Variants in FTCDNL1 observed in about 807,000 individuals in gnomAD.
FTCDNL1 encodes the protein formiminotransferase N-terminal subdomain-containing protein.
In FTCDNL1, 11 loss-of-function variants were observed where a neutral mutation model predicts 5.9. The observed-to-expected ratio is 1.87, with a 90% CI of 1.18 to 3.10. The LOEUF is 3.10. FTCDNL1 is among the 30% of genes most tolerant of loss of function. The probability of loss-of-function intolerance (pLI) is 0.00; values close to 1 mark genes in which losing one functional copy is unlikely to be tolerated. For synonymous variants in FTCDNL1, 58 were observed against 24.8 expected (o/e 2.34, Z -3.99); for missense variants, 115 against 65.5 (o/e 1.76, Z -2.61).
chr2:199,746,199 T>G, the FTCDNL1 span, among the ~76,000 whole-genome samples: 1 of 152,220 alleles, frequency 6.6e-6, no homozygotes, highest in African/African-American at 2.4e-5. Flanking sequence ...TCCCTTTGCA[T>G]CTTGCATTCT....
the FTCDNL1 span, among the ~76,000 whole-genome samples, chr2:199,712,747 C>T: frequency 1.3e-5 from 2 of 152,192 alleles, no homozygotes; most frequent in Admixed American, 1.3e-4. Context: ...CATTTCTTGG[C>T]TTGCAGCTGT....
chr2:199,760,560 C>T, exon 4 of FTCDNL1: 1 of 465,710 alleles, frequency 2.1e-6, no homozygotes, highest in Non-Finnish European at 3.9e-6. Context: ...CAGAGTTAAA[C>T]ACTTTTTATT....
At chr2:199,733,651 C>T in the FTCDNL1 span, among the ~76,000 whole-genome samples, 1 of 152,052 alleles carries the variant, frequency 6.6e-6, no homozygotes, top group East Asian at 1.9e-4. Context: ...GAAAGAATGC[C>T]CTTAGGACAG....
At chr2:199,691,003 A>T in the FTCDNL1 span, among the ~76,000 whole-genome samples, 25 of 152,224 alleles carry the variant, frequency 1.6e-4, no homozygotes, top group Non-Finnish European at 3.5e-4. Flanking sequence ...AATGACCCAC[A>T]TATACAAACA....
chr2:199,665,419 G>A, the FTCDNL1 span, among the ~76,000 whole-genome samples: 2 of 152,086 alleles, frequency 1.3e-5, no homozygotes, highest in Non-Finnish European at 2.9e-5. Context: ...ATTACCTGAG[G>A]TCAGGAGTTC....
At chr2:199,847,905 T>C (rs2076772825) in intron 2 of FTCDNL1, among the ~76,000 whole-genome samples, 1 of 152,226 alleles carries the variant, frequency 6.6e-6, no homozygotes, top group Non-Finnish European at 1.5e-5. Context: ...CATAGACATT[T>C]CTAGCTCCTG....
intron 3 of FTCDNL1, among the ~76,000 whole-genome samples, chr2:199,765,550 ATATATAT>A (rs1242562199): frequency 5.7e-5 from 3 of 52,978 alleles, no homozygotes; most frequent in African/African-American, 1.4e-4. Flanking sequence ...ATATATATAT[ATATATAT>A]TTTTTTTTTT....
intron 3 of FTCDNL1, among the ~76,000 whole-genome samples, chr2:199,785,778 G>A (rs1003219463): frequency 6.6e-6 from 1 of 152,048 alleles, no homozygotes; most frequent in Non-Finnish European, 1.5e-5. Flanking sequence ...GCACCACCAT[G>A]CCTGGCTCAC....
chr2:199,845,971 G>A, intron 3 of FTCDNL1, 104 bp downstream of exon 3: 1 of 533,280 alleles, frequency 1.9e-6, no homozygotes, highest in Non-Finnish European at 3.3e-6. Context: ...ACTTAATAGA[G>A]GGGAGTATTC....
intron 3 of FTCDNL1, chr2:199,844,256 G>T (rs1417086559): frequency 1.2e-5 from 5 of 413,320 alleles, no homozygotes. Flanking sequence ...GTGTATTGTT[G>T]ATACAGTTCT....
At chr2:199,700,922 A>G in the FTCDNL1 span, among the ~76,000 whole-genome samples, 1 of 148,026 alleles carries the variant, frequency 6.8e-6, no homozygotes, top group African/African-American at 2.4e-5. Context: ...TTTCTCAACT[A>G]GAAAAAAAAA....
intron 3 of FTCDNL1, among the ~76,000 whole-genome samples, chr2:199,764,030 C>T (rs1301542572): frequency 6.6e-6 from 1 of 152,054 alleles, no homozygotes; most frequent in South Asian, 2.1e-4. Context: ...TTAGTAGATA[C>T]GGGGTTTCAC....
intron 3 of FTCDNL1, among the ~76,000 whole-genome samples, chr2:199,771,745 T>C (rs1264481813): frequency 6.6e-6 from 1 of 152,238 alleles, no homozygotes; most frequent in Non-Finnish European, 1.5e-5. Context: ...TATGATTTTC[T>C]TGTAGAGAAC....
the FTCDNL1 span, among the ~76,000 whole-genome samples, chr2:199,726,752 C>T: frequency 2.0e-5 from 3 of 152,206 alleles, no homozygotes; most frequent in Non-Finnish European, 2.9e-5. Flanking sequence ...ATGGAGGCTT[C>T]AGAACAGCAA....
At chr2:199,753,051 G>T in the FTCDNL1 span, among the ~76,000 whole-genome samples, 1 of 152,148 alleles carries the variant, frequency 6.6e-6, no homozygotes, top group Non-Finnish European at 1.5e-5. Flanking sequence ...TAAGCCATGG[G>T]CACATGGTGG....
In FTCDNL1 at chr2:199,809,514, C is replaced by T. The variant is rs1368702817; in HGVS notation, c.*3191G>A. ...TCATTTCTCTGTGCTTTATGGGGAG[C>T]ATCTGATACTAGAACAATATAAATA... On this transcript the variant is annotated 3_prime_UTR_variant, in exon 5 of 5. Coordinates refer to ENST00000420128, the MANE Select transcript of FTCDNL1 (RefSeq NM_001363886.2). Among the ~76,000 whole-genome samples, 3 of 152,096 alleles carry T rather than the reference C, an allele frequency of 2.0e-5. No homozygotes were observed. Among genetic ancestry groups the T allele is most frequent in the Non-Finnish European group, 4.4e-5 (3 of 68,032 alleles).
chr2:199,778,047 C>T (rs1203817316), intron 3 of FTCDNL1, among the ~76,000 whole-genome samples: 1 of 152,140 alleles, frequency 6.6e-6, no homozygotes, highest in Admixed American at 6.5e-5. Context: ...GTAGGTTTGA[C>T]CACAGACACC....
chr2:199,806,354 G>C (rs144609497), downstream of FTCDNL1, among the ~76,000 whole-genome samples: 184 of 152,268 alleles, frequency 1.2e-3, no homozygotes, highest in African/African-American at 4.0e-3. Flanking sequence ...TTCTGGGCAA[G>C]TACAAACAAC....
chr2:199,740,002 C>T, the FTCDNL1 span, among the ~76,000 whole-genome samples: 1 of 152,228 alleles, frequency 6.6e-6, no homozygotes, highest in African/African-American at 2.4e-5. Context: ...AACACTGCCC[C>T]CTGCTGGCGA....
Sources: gnomAD v4.1 joint callset for allele counts (sites outside exome capture counted in the v4.1 genomes callset) on GRCh38, gnomAD v4.1.1 for gene constraint, MANE v1.5 for transcripts, NCBI Gene and HGNC (gene_info 2026-07-23, HGNC 2026-07-21) for gene names.